The following AGBL4 variants were observed in gnomAD, a reference collection of about 807,000 sequenced individuals.
AGBL4 encodes AGBL carboxypeptidase 4.
Under a neutral mutation model 66.4 loss-of-function variants are expected in AGBL4, and 58 were observed. That is an observed-to-expected ratio of 0.87 (90% CI 0.71 to 1.09). AGBL4 has a LOEUF of 1.09. Among genes scored for constraint, AGBL4 ranks in the 50% least tolerant of loss-of-function variants. The pLI is 0.00. For missense variants in AGBL4, 579 were observed against 631.0 expected, an observed-to-expected ratio of 0.92 and a Z score of 0.88; for synonymous variants, 234 against 222.9, an observed-to-expected ratio of 1.05 and a Z score of -0.44.
intron 3 of AGBL4, among the ~76,000 whole-genome samples, chr1:49,321,719 C>G (rs1203240495): frequency 1.3e-5 from 2 of 152,196 alleles, no homozygotes; most frequent in Non-Finnish European, 2.9e-5. Context: ...GTGTTATGTT[C>G]ATACGATGGA....
intron 3 of AGBL4, among the ~76,000 whole-genome samples, chr1:49,264,820 T>C (rs1181735227): frequency 6.6e-6 from 1 of 152,198 alleles, no homozygotes. Flanking sequence ...GCTGGGATTA[T>C]AGGCGTGAGC....
chr1:48,764,864 G>A (rs1644455071), intron 6 of AGBL4, among the ~76,000 whole-genome samples: 1 of 152,214 alleles, frequency 6.6e-6, no homozygotes, highest in Non-Finnish European at 1.5e-5. Context: ...GCTCAGCAAG[G>A]ACTGCCTGCT....
chr1:49,990,317 A>T (rs1361591590), intron 1 of AGBL4, among the ~76,000 whole-genome samples: 1 of 152,150 alleles, frequency 6.6e-6, no homozygotes, highest in Non-Finnish European at 1.5e-5. Context: ...GAGGTGATTG[A>T]ATCATGTGGG....
intron 3 of AGBL4, among the ~76,000 whole-genome samples, chr1:49,570,536 G>A (rs946570697): frequency 6.6e-6 from 1 of 151,830 alleles, no homozygotes; most frequent in African/African-American, 2.4e-5. Context: ...CTATTCTGTA[G>A]GCAGTCTTCA....
intron 8 of AGBL4, among the ~76,000 whole-genome samples, chr1:48,643,321 G>C (rs944860698): frequency 1.3e-5 from 2 of 152,150 alleles, no homozygotes; most frequent in Non-Finnish European, 2.9e-5. Flanking sequence ...AGCCTGTGCT[G>C]CACTCTACCC....
intron 3 of AGBL4, among the ~76,000 whole-genome samples, chr1:49,309,046 C>A (rs1246415237): frequency 6.6e-6 from 1 of 152,004 alleles, no homozygotes; most frequent in South Asian, 2.1e-4. Flanking sequence ...TCAATCTAAT[C>A]ACCAATATAA....
chr1:49,497,698 A>G (rs1647733691), intron 3 of AGBL4, among the ~76,000 whole-genome samples: 1 of 151,946 alleles, frequency 6.6e-6, no homozygotes, highest in African/African-American at 2.4e-5. Flanking sequence ...GACCATAGAT[A>G]TGTGGGTTTA....
At chr1:49,167,297 T>C (rs767239594) in intron 4 of AGBL4, among the ~76,000 whole-genome samples, 1 of 152,220 alleles carries the variant, frequency 6.6e-6, no homozygotes, top group Non-Finnish European at 1.5e-5. Context: ...TGGAATGTAG[T>C]CTACACACTC....
At position 49,316,279 on chromosome 1, in the gene AGBL4, G is replaced by A. The variant is rs987220049; in HGVS notation, c.283-70415C>T. Among the ~76,000 whole-genome samples the A allele has an allele frequency of 4.6e-5, 7 of 152,004 alleles. 1 individual carries two copies. The highest frequency in any genetic ancestry group is 3.3e-4 in the Admixed American group (5 of 15,230). On this transcript the variant is annotated intron_variant, in intron 3 of 13. Coordinates refer to ENST00000371839, the MANE Select transcript of AGBL4 (RefSeq NM_032785.4). ...ACAATGGATTTTATTTAATAACAAT[G>A]TATGAATATTGACTCATCAGTTTTA...
At chr1:49,133,265 C>T (rs578014796) in intron 4 of AGBL4, among the ~76,000 whole-genome samples, 12 of 152,110 alleles carry the variant, frequency 7.9e-5, no homozygotes, top group South Asian at 2.1e-4. Context: ...GGAGGGAGAG[C>T]ATTCGGACAA....
rs79765554 is a variant in AGBL4 at position 49,699,072 on chromosome 1, T to G, written c.158-1635A>C. On this transcript the variant is annotated intron_variant, in intron 2 of 13. Coordinates refer to ENST00000371839, the MANE Select transcript of AGBL4 (RefSeq NM_032785.4). The stretch of plus-strand genomic sequence containing the variant: ...AGACCATAAATTAAACACTTCTGAT[T>G]TCATTGTGTTTTTCTTTCAGAATCT... 8.3e-3 allele frequency among the ~76,000 whole-genome samples: 1,263 copies of G among 152,212 alleles called. 3 individuals are homozygous for G. Among genetic ancestry groups the G allele is most frequent in the Non-Finnish European group, 0.014 (930 of 67,918 alleles).
At chr1:49,150,653 T>C (rs1646309913) in intron 4 of AGBL4, among the ~76,000 whole-genome samples, 1 of 152,202 alleles carries the variant, frequency 6.6e-6, no homozygotes, top group African/African-American at 2.4e-5. Flanking sequence ...CTTTTGCCTA[T>C]ATACTCATTC....
chr1:49,291,022 G>A (rs898645269), intron 3 of AGBL4, among the ~76,000 whole-genome samples: 1 of 152,076 alleles, frequency 6.6e-6, no homozygotes, highest in Non-Finnish European at 1.5e-5. Context: ...TACAGGACAT[G>A]AAACCCGCTG....
At chr1:49,391,404 T>A (rs1644842147) in intron 3 of AGBL4, among the ~76,000 whole-genome samples, 1 of 152,138 alleles carries the variant, frequency 6.6e-6, no homozygotes, top group Admixed American at 6.5e-5. Context: ...CCAGTCAGAA[T>A]GTTAGCATAG....
chr1:49,050,834 A>C (rs1644195561), intron 4 of AGBL4, among the ~76,000 whole-genome samples: 1 of 152,100 alleles, frequency 6.6e-6, no homozygotes. Flanking sequence ...CATTAGTACA[A>C]TACTTGGCCT....
chr1:48,634,689 G>T, intron 8 of AGBL4, 85 bp from the exon 9 acceptor site: 2 of 882,060 alleles, frequency 2.3e-6, no homozygotes, highest in Non-Finnish European at 3.5e-6. Context: ...AGTAGGAGCA[G>T]TGATTATGTC....
chr1:48,947,951 C>T (rs543765809), intron 5 of AGBL4, among the ~76,000 whole-genome samples: 39 of 151,272 alleles, frequency 2.6e-4, no homozygotes, highest in Non-Finnish European at 4.9e-4. Flanking sequence ...AGTGCAGTCG[C>T]GCAATCTCGG....
At chr1:48,644,356 G>A (rs1437949314) in intron 8 of AGBL4, among the ~76,000 whole-genome samples, 4 of 152,086 alleles carry the variant, frequency 2.6e-5, no homozygotes, top group Non-Finnish European at 5.9e-5. Context: ...CTCTTGGCTG[G>A]GTTAAGAGGT....
At chr1:48,730,800 G>A (rs1005611876) in intron 6 of AGBL4, among the ~76,000 whole-genome samples, 5 of 152,176 alleles carry the variant, frequency 3.3e-5, no homozygotes, top group African/African-American at 9.7e-5. Flanking sequence ...CAGTGCTAAT[G>A]TGTCCTATTA....
Sources: gnomAD v4.1 joint callset for allele counts (sites outside exome capture counted in the v4.1 genomes callset) on GRCh38, gnomAD v4.1.1 for gene constraint, MANE v1.5 for transcripts, NCBI Gene and HGNC (gene_info 2026-07-23, HGNC 2026-07-21) for gene names.